The following CORO2B variants were observed in gnomAD, a reference collection of about 807,000 sequenced individuals.
CORO2B encodes the protein coronin-2B.
CORO2B carries 26 observed loss-of-function variants against 58.8 expected under a neutral mutation model. That is an observed-to-expected ratio of 0.44 (90% CI 0.32 to 0.61). CORO2B has a LOEUF of 0.61. Ranked by LOEUF, CORO2B falls within the 20% of genes least tolerant of loss-of-function variation. The probability of loss-of-function intolerance (pLI) is 0.04; values close to 1 mark genes in which losing one functional copy is unlikely to be tolerated. For missense variants in CORO2B, 460 were observed against 645.1 expected (o/e 0.71, Z 3.11); for synonymous variants, 242 against 253.8 (o/e 0.95, Z 0.44).
At chr15:68,697,442 C>T (rs534388166) in intron 3 of CORO2B, among the ~76,000 whole-genome samples, 1 of 152,264 alleles carries the variant, frequency 6.6e-6, no homozygotes, top group East Asian at 1.9e-4. Context: ...GAAAGATTCA[C>T]AGTAAATAGC....
rs747211198 is a variant in CORO2B, at chr15:68,613,352, G to A, written c.16-31808G>A. On this transcript the variant is annotated intron_variant, in intron 1 of 11. Transcript: ENST00000261861. ...CAGAGCTTCAGGGCTTCAAAAATCC[G>A]TGTGATGGTAGAAGCGGCATATTAA... Among the ~76,000 whole-genome samples the A allele has an allele frequency of 3.3e-5, 5 of 152,316 alleles. No individual in the cohort carries two copies. In the South Asian group the frequency reaches 6.2e-4, roughly 19 times the overall value.
chr15:68,687,824 A>G (rs568329302), intron 2 of CORO2B, among the ~76,000 whole-genome samples: 1 of 152,314 alleles, frequency 6.6e-6, no homozygotes, highest in Non-Finnish European at 1.5e-5. Context: ...GACCAAACTC[A>G]CTTTTATAAC....
chr15:68,671,038 A>G (rs1180657828), intron 2 of CORO2B, among the ~76,000 whole-genome samples: 1 of 152,226 alleles, frequency 6.6e-6, no homozygotes, highest in Non-Finnish European at 1.5e-5. Flanking sequence ...TGGAAATTAT[A>G]AAGCACTTAT....
chr15:68,626,989 A>G (rs1183379131), intron 1 of CORO2B, among the ~76,000 whole-genome samples: 2 of 152,150 alleles, frequency 1.3e-5, no homozygotes, highest in Non-Finnish European at 2.9e-5. Context: ...GATGTGTAGC[A>G]AGACTCCTGG....
In CORO2B at chr15:68,718,747, C is replaced by T. The variant is rs1893090860; in HGVS notation, c.1017C>T (p.Arg339=). 6.2e-6 allele frequency: 10 copies of T among 1,614,200 alleles called. No homozygotes were observed. The highest frequency in any genetic ancestry group is 8.5e-6 in the Non-Finnish European group (10 of 1,180,042). The part of the protein sequence containing the change: ...GLDVSACEVF[R]FYKLVTLKGL... ...ATGTGTCAGCCTGCGAGGTGTTCCGCTTCTACAAGCTGGTGACTCTCAAGG... is the reference window on the plus strand; with the variant it reads ...ATGTGTCAGCCTGCGAGGTGTTCCGTTTCTACAAGCTGGTGACTCTCAAGG... The change falls in exon 9 of 12, where the codon CGC becomes CGT. Residue 339 remains arginine (R), a synonymous_variant. Coordinates refer to ENST00000261861, the MANE Select transcript of CORO2B (RefSeq NM_006091.5).
upstream of CORO2B, among the ~76,000 whole-genome samples, chr15:68,576,693 G>A (rs1006498405): frequency 6.6e-6 from 1 of 152,182 alleles, no homozygotes. Context: ...AGGCTGACCT[G>A]CCCAAGACAG....
the CORO2B span, among the ~76,000 whole-genome samples, chr15:68,562,742 AGGCAGGTGGGTCACGAGGG>A: frequency 6.6e-6 from 1 of 152,148 alleles, no homozygotes; most frequent in African/African-American, 2.4e-5. Flanking sequence ...TGGGAGGCCA[AGGCAGGTGGGTCACGAGGG>A]GTCAGGAGAT....
chr15:68,546,662 A>C, the CORO2B span, among the ~76,000 whole-genome samples: 1 of 152,314 alleles, frequency 6.6e-6, no homozygotes, highest in Non-Finnish European at 1.5e-5. Flanking sequence ...CTCAATAGTT[A>C]CTAAATGAAT....
chr15:68,573,141 C>G, the CORO2B span, among the ~76,000 whole-genome samples: 3 of 152,292 alleles, frequency 2.0e-5, no homozygotes, highest in Non-Finnish European at 4.4e-5. Context: ...AGGTGGCTCC[C>G]TCAGTGATCA....
the CORO2B span, among the ~76,000 whole-genome samples, chr15:68,559,004 A>G: frequency 1.3e-5 from 2 of 152,256 alleles, no homozygotes; most frequent in Middle Eastern, 3.4e-3. The surrounding 1 kb of genome is among the most constrained non-coding windows in gnomAD (Gnocchi z 4.3). Context: ...CTACTTTACC[A>G]TCTTCAGTTT....
intron 1 of CORO2B, among the ~76,000 whole-genome samples, chr15:68,637,296 G>A (rs1417252636): frequency 3.3e-5 from 5 of 152,164 alleles, no homozygotes; most frequent in East Asian, 1.9e-4. Context: ...CCAGGCTGGC[G>A]AGCCCCTCGG....
intron 2 of CORO2B, among the ~76,000 whole-genome samples, chr15:68,664,165 T>C (rs1053665916): frequency 2.0e-5 from 3 of 152,212 alleles, no homozygotes; most frequent in African/African-American, 7.2e-5. Context: ...AAAAATTCAA[T>C]GAGCCTTACA....
chr15:68,670,876 A>G (rs1902369191), intron 2 of CORO2B, among the ~76,000 whole-genome samples: 1 of 152,230 alleles, frequency 6.6e-6, no homozygotes, highest in South Asian at 2.1e-4. Context: ...TAGTACAACC[A>G]TTGTGAAAGG....
chr15:68,608,092 A>G (rs552545088), intron 1 of CORO2B, among the ~76,000 whole-genome samples: 3 of 152,360 alleles, frequency 2.0e-5, no homozygotes, highest in East Asian at 1.9e-4. Context: ...AATGCCACCA[A>G]CGTGAAAGAA....
the CORO2B span, among the ~76,000 whole-genome samples, chr15:68,528,506 T>C: frequency 7.6e-3 from 1,156 of 152,280 alleles, 19 homozygotes; most frequent in African/African-American, 0.026. Context: ...TTGCATGATA[T>C]ATTATCCCTT....
chr15:68,568,747 C>T, the CORO2B span, among the ~76,000 whole-genome samples: 1 of 152,014 alleles, frequency 6.6e-6, no homozygotes, highest in Admixed American at 6.6e-5. Context: ...TAAAATTGAG[C>T]AGAAAATACA....
intron 3 of CORO2B, among the ~76,000 whole-genome samples, chr15:68,696,417 C>T (rs995923362): frequency 2.0e-5 from 3 of 151,270 alleles, no homozygotes; most frequent in African/African-American, 2.4e-5. Context: ...GGCGTGGTGG[C>T]GCACCCCTGT....
chr15:68,615,040 A>G (rs115105106), intron 1 of CORO2B, among the ~76,000 whole-genome samples: 1,536 of 152,284 alleles, frequency 0.01, 38 homozygotes, highest in African/African-American at 0.035. Context: ...TGGGCTTCTC[A>G]ATGCTGCCTC....
intron 1 of CORO2B, among the ~76,000 whole-genome samples, chr15:68,613,145 T>G (rs1900279134): frequency 6.6e-6 from 1 of 152,154 alleles, no homozygotes; most frequent in African/African-American, 2.4e-5. Context: ...TACATCCAGC[T>G]TACACCCAGT....
Sources: gnomAD v4.1 joint callset for allele counts (sites outside exome capture counted in the v4.1 genomes callset) on GRCh38, gnomAD v4.1.1 for gene constraint, Gnocchi (gnomAD v3.1) non-coding constraint, MANE v1.5 for transcripts, NCBI Gene and HGNC (gene_info 2026-07-23, HGNC 2026-07-21) for gene names.